Variants in PTPRJ observed in about 807,000 individuals in gnomAD.
PTPRJ encodes the protein receptor-type tyrosine-protein phosphatase eta.
PTPRJ carries 129 observed loss-of-function variants against 141.3 expected under a neutral mutation model. That is an observed-to-expected ratio of 0.91 (90% CI 0.79 to 1.06). PTPRJ has a LOEUF of 1.06. PTPRJ is among the 50% of genes least tolerant of loss of function. The pLI is 0.00. For synonymous variants in PTPRJ, 610 were observed against 640.5 expected, an observed-to-expected ratio of 0.95 and a Z score of 0.72; for missense variants, 1,601 against 1,679.7, an observed-to-expected ratio of 0.95 and a Z score of 0.82.
intron 1 of PTPRJ, among the ~76,000 whole-genome samples, chr11:48,091,761 C>A (rs1049773346): frequency 2.0e-5 from 3 of 152,146 alleles, no homozygotes; most frequent in Non-Finnish European, 4.4e-5. Context: ...TTGGAAATAC[C>A]TCCCAAGAGG....
At chr11:48,021,028 T>C (rs1855103744) in intron 1 of PTPRJ, among the ~76,000 whole-genome samples, 1 of 152,212 alleles carries the variant, frequency 6.6e-6, no homozygotes, top group Admixed American at 6.5e-5. Context: ...GGCATTTTAC[T>C]CTTCTGTGGT....
chr11:47,980,820 A>G lies in PTPRJ; in HGVS notation c.-93A>G. ...CGGCTGGCGGAGGAGGAGGCGAAGG[A>G]GACGGCAGGAGGCGGCGACGACGGT... is the stretch of plus-strand genomic sequence containing the variant. On this transcript the variant is annotated 5_prime_UTR_variant, in exon 1 of 25. Transcript: ENST00000418331. The G allele has an allele frequency of 9.5e-7, 1 of 1,050,488 alleles. No homozygotes were observed. Among genetic ancestry groups the G allele is most frequent in the Non-Finnish European group, 1.1e-6 (1 of 874,634 alleles). The allele number at this position is 1,050,488 out of a possible 1,614,324, so 65.1% of individuals were successfully genotyped here.
At position 48,062,498 on chromosome 11, in the gene PTPRJ, G is replaced by A. The variant is rs191086460; in HGVS notation, c.97-47560G>A. Among the ~76,000 whole-genome samples, 247 of 151,902 alleles carry A rather than the reference G, an allele frequency of 1.6e-3. 1 individual carries two copies. The highest frequency in any genetic ancestry group is 5.8e-3 in the African/African-American group (241 of 41,432). ...ACTGCACTCCAGCCTGGGCGACAGA[G>A]CGAGACTCCATCTCAAAAAAAAAAC... On this transcript the variant is annotated intron_variant, in intron 1 of 24. Transcript: ENST00000418331.
intron 15 of PTPRJ, 33 bp downstream of exon 15, chr11:48,146,996 G>T: frequency 6.4e-7 from 1 of 1,567,772 alleles, no homozygotes; most frequent in Admixed American, 1.7e-5. Flanking sequence ...TAATACTCTG[G>T]TATTTAAGGA....
chr11:48,008,346 C>T (rs1255387935), intron 1 of PTPRJ, among the ~76,000 whole-genome samples: 4 of 152,104 alleles, frequency 2.6e-5, no homozygotes, highest in South Asian at 2.1e-4. Context: ...CTGCAACCTC[C>T]GCCTCCTGGG....
Position 48,144,981 on chromosome 11 carries a change from GCT to G in PTPRJ, c.2787-16_2787-15del, listed in dbSNP as rs1236276163. 6.2e-7 allele frequency: 1 copy of G among 1,613,512 alleles called. No individual in the cohort carries two copies. Among genetic ancestry groups the G allele is most frequent in the South Asian group, 1.1e-5 (1 of 91,020 alleles). Reference sequence around the variant, plus strand: ...AGACACGTCTCAGGGACCTCTTTTTGCTCTTTGTTATCCCACAGGGCTTGTGT... The same window carrying G: ...AGACACGTCTCAGGGACCTCTTTTTGCTTTGTTATCCCACAGGGCTTGTGT... On this transcript the variant is annotated splice_polypyrimidine_tract_variant and intron_variant, in intron 13 of 24. Transcript: ENST00000418331.
At chr11:48,137,733 G>T (rs1362009142) in intron 10 of PTPRJ, among the ~76,000 whole-genome samples, 1 of 152,164 alleles carries the variant, frequency 6.6e-6, no homozygotes, top group Non-Finnish European at 1.5e-5. Context: ...GCAAGGGTGG[G>T]AGGAGTGGAC....
intron 6 of PTPRJ, among the ~76,000 whole-genome samples, chr11:48,126,121 T>C (rs1856822811): frequency 6.6e-6 from 1 of 152,154 alleles, no homozygotes; most frequent in East Asian, 1.9e-4. Context: ...TGAAAGGGGC[T>C]GAAATCTGGT....
In PTPRJ at chr11:48,132,533, A is replaced by C. The variant is rs964972259; in HGVS notation, c.1615+1817A>C. The C allele has an allele frequency of 3.1e-6, 3 of 981,264 alleles. No homozygotes were observed. The African/African-American group carries it at 5.3e-5, about 17-fold the overall frequency. The allele number at this position is 981,264 out of a possible 1,614,324, so 60.8% of individuals were successfully genotyped here. ...AAAAACATACAGTCTTCCTTGATCT[A>C]AGATTCAAGATAGTTGAAATCTTTT... is the stretch of plus-strand genomic sequence containing the variant. On this transcript the variant is annotated intron_variant, in intron 8 of 24. Transcript: ENST00000418331.
intron 1 of PTPRJ, among the ~76,000 whole-genome samples, chr11:48,018,431 A>G (rs755115615): frequency 5.0e-4 from 76 of 152,176 alleles, no homozygotes; most frequent in Non-Finnish European, 9.1e-4. Flanking sequence ...CCCGGGCCAC[A>G]GTGAAGACCC....
rs115928743 is a variant in PTPRJ, at chr11:48,025,748, A to G, written c.96+44740A>G. Among the ~76,000 whole-genome samples the G allele has an allele frequency of 3.5e-3, 539 of 152,290 alleles. 7 individuals carry two copies. The highest frequency in any genetic ancestry group is 0.012 in the African/African-American group (493 of 41,558). On this transcript the variant is annotated intron_variant, in intron 1 of 24. Coordinates refer to ENST00000418331, the MANE Select transcript of PTPRJ (RefSeq NM_002843.4). The stretch of plus-strand genomic sequence containing the variant: ...TCAAGGTCTTCCATACCTTCCTTAC[A>G]AGTGCCCTTTAGGCGCTCTAAATGG...
intron 1 of PTPRJ, among the ~76,000 whole-genome samples, chr11:48,086,552 C>T (rs1324998097): frequency 3.9e-5 from 6 of 152,252 alleles, no homozygotes; most frequent in Admixed American, 3.9e-4. Context: ...GGCTCAGTTA[C>T]ATTCATCCTG....
At chr11:48,081,573 C>T (rs868365603) in intron 1 of PTPRJ, among the ~76,000 whole-genome samples, 5 of 152,046 alleles carry the variant, frequency 3.3e-5, no homozygotes, top group Admixed American at 6.5e-5. Flanking sequence ...GTTGGTCGGT[C>T]GCCACAAATG....
chr11:48,046,891 T>TAC (rs1854413642), intron 1 of PTPRJ, among the ~76,000 whole-genome samples: 4 of 72,758 alleles, frequency 5.5e-5, no homozygotes, highest in Non-Finnish European at 9.6e-5. Context: ...TATGTTTACA[T>TAC]ATATATATAT....
intron 8 of PTPRJ, among the ~76,000 whole-genome samples, chr11:48,133,865 CTGG>C (rs1487379731): frequency 2.4e-4 from 36 of 152,202 alleles, no homozygotes; most frequent in Non-Finnish European, 1.5e-5. Flanking sequence ...AGGACAAATA[CTGG>C]ATGATTCCAC....
intron 1 of PTPRJ, among the ~76,000 whole-genome samples, chr11:48,090,405 G>T (rs1027778390): frequency 1.3e-5 from 2 of 152,198 alleles, no homozygotes; most frequent in Admixed American, 1.3e-4. Flanking sequence ...ATCTGACAGA[G>T]CCCGGTGGCT....
At chr11:48,083,947 A>G (rs1022666493) in intron 1 of PTPRJ, among the ~76,000 whole-genome samples, 3 of 152,202 alleles carry the variant, frequency 2.0e-5, no homozygotes, top group Non-Finnish European at 2.9e-5. Context: ...TCCCTCATGT[A>G]TGCAAATCTC....
At chr11:48,055,662 G>A (rs924258218) in intron 1 of PTPRJ, among the ~76,000 whole-genome samples, 1 of 152,158 alleles carries the variant, frequency 6.6e-6, no homozygotes, top group African/African-American at 2.4e-5. Context: ...GTGCAGTCCT[G>A]GGGGCACGAG....
At chr11:48,028,957 G>C (rs1590417285) in intron 1 of PTPRJ, among the ~76,000 whole-genome samples, 1 of 152,242 alleles carries the variant, frequency 6.6e-6, no homozygotes, top group Admixed American at 6.5e-5. Context: ...TGGTTTGGAA[G>C]TGAATCTGAA....
Sources: gnomAD v4.1 joint callset for allele counts (sites outside exome capture counted in the v4.1 genomes callset) on GRCh38, gnomAD v4.1.1 for gene constraint, MANE v1.5 for transcripts, NCBI Gene and HGNC (gene_info 2026-07-23, HGNC 2026-07-21) for gene names.